The following IGF2BP3 variants were observed in gnomAD, a reference collection of about 807,000 sequenced individuals.
IGF2BP3 encodes insulin like growth factor 2 mRNA binding protein 3, also known as insulin-like growth factor 2 mRNA-binding protein 3.
Under a neutral mutation model 73.8 loss-of-function variants are expected in IGF2BP3, and 9 were observed. The ratio of observed to expected loss-of-function variants is 0.12; its 90% CI spans 0.07 to 0.21. IGF2BP3 has a LOEUF of 0.21. Ranked by LOEUF, IGF2BP3 falls within the 10% of genes least tolerant of loss-of-function variation. IGF2BP3 has a pLI of 1.00. For synonymous variants in IGF2BP3, 258 were observed against 256.7 expected (o/e 1.01, Z -0.05); for missense variants, 542 against 714.0 (o/e 0.76, Z 2.75).
chr7:23,398,826 T>C (rs1583991709), intron 3 of IGF2BP3, among the ~76,000 whole-genome samples: 1 of 152,148 alleles, frequency 6.6e-6, no homozygotes, highest in East Asian at 1.9e-4. Context: ...GTCAGATGAG[T>C]AGGTTGCAAA....
intron 13 of IGF2BP3, 87 bp from the exon 14 acceptor site, chr7:23,312,935 T>A: frequency 1.4e-6 from 1 of 727,238 alleles, no homozygotes; most frequent in Non-Finnish European, 2.3e-6. Context: ...CAGTGAGCTA[T>A]GTATGGCTTT....
chr7:23,360,338 T>C (rs1275617958), intron 5 of IGF2BP3, among the ~76,000 whole-genome samples: 2 of 152,348 alleles, frequency 1.3e-5, no homozygotes, highest in South Asian at 2.1e-4. Context: ...GCCATATCTG[T>C]ACAATCAAAT....
chr7:23,455,300 T>C (rs1788290522), intron 2 of IGF2BP3, among the ~76,000 whole-genome samples: 1 of 152,144 alleles, frequency 6.6e-6, no homozygotes, highest in Admixed American at 6.6e-5. Flanking sequence ...CTCTTTAATC[T>C]CAAACAGCTT....
chr7:23,457,765 G>C (rs1458140059), intron 2 of IGF2BP3, among the ~76,000 whole-genome samples: 1 of 152,150 alleles, frequency 6.6e-6, no homozygotes, highest in East Asian at 1.9e-4. Context: ...AGCAAGCCCT[G>C]GGAACTACTA....
chr7:23,468,440 G>C, intron 2 of IGF2BP3, 42 bp downstream of exon 2: 1 of 1,603,318 alleles, frequency 6.2e-7, no homozygotes, highest in Non-Finnish European at 8.5e-7. Flanking sequence ...ACCCAATAAC[G>C]GAGTGAGAAC....
rs533687503 is a variant in IGF2BP3 at position 23,361,544 on chromosome 7, G to C, written c.391C>G (p.Gln131Glu). 2.2e-5 allele frequency: 35 copies of C among 1,611,284 alleles called. No homozygotes were observed. In the South Asian group the frequency reaches 3.5e-4, roughly 16 times the overall value. Residue 131 changes from glutamine (Q) to glutamate (E), a missense_variant, in exon 5 of 15, where the codon CAA becomes GAA. Transcript: ENST00000258729. ...VVNVTYSSKDQARQALDKLNG... is the reference protein window; with the variant it reads ...VVNVTYSSKDEARQALDKLNG... Reference sequence around the variant, plus strand: ...CTTCAAGCTGCTTACTGTCTAGCTTGGTCCTTACTGGAATAGGTTACATTT... The same window carrying C: ...CTTCAAGCTGCTTACTGTCTAGCTTCGTCCTTACTGGAATAGGTTACATTT...
At chr7:23,439,554 CAAAA>C (rs11332929) in intron 2 of IGF2BP3, among the ~76,000 whole-genome samples, 93 of 56,716 alleles carry the variant, frequency 1.6e-3, no homozygotes, top group African/African-American at 5.9e-3. Flanking sequence ...GACTCCGTCT[CAAAA>C]AAAAAAAAAA....
chr7:23,316,540 C>T lies in IGF2BP3; in HGVS notation c.1395+1099G>A, dbSNP rs193248053. Among the ~76,000 whole-genome samples, 432 of 151,788 alleles carry T rather than the reference C, an allele frequency of 2.8e-3. 2 individuals carry two copies. Among genetic ancestry groups the T allele is most frequent in the African/African-American group, 9.9e-3 (411 of 41,404 alleles). ...CTAAAAATAAATTGGCTGGGCGTGG[C>T]GGCACATGCCTGTAATCCCAGCTAC... On this transcript the variant is annotated intron_variant, in intron 12 of 14. Coordinates refer to ENST00000258729, the MANE Select transcript of IGF2BP3 (RefSeq NM_006547.3).
intron 3 of IGF2BP3, among the ~76,000 whole-genome samples, chr7:23,384,394 GAATA>G (rs1786016363): frequency 1.3e-5 from 2 of 152,196 alleles, no homozygotes; most frequent in South Asian, 4.1e-4. Context: ...ATGTATTTGT[GAATA>G]CACTAAAAAC....
At chr7:23,340,796 G>C (rs548226916) in intron 10 of IGF2BP3, among the ~76,000 whole-genome samples, 32 of 151,824 alleles carry the variant, frequency 2.1e-4, no homozygotes, top group African/African-American at 7.7e-4. Context: ...TGACCTCAAG[G>C]AAACTGCTAT....
At chr7:23,428,575 T>C (rs1787585087) in intron 2 of IGF2BP3, among the ~76,000 whole-genome samples, 1 of 150,408 alleles carries the variant, frequency 6.6e-6, no homozygotes, top group African/African-American at 2.4e-5. Flanking sequence ...GGTATGGTGG[T>C]ACATACTTGT....
At chr7:23,409,529 T>C (rs181093392) in intron 3 of IGF2BP3, among the ~76,000 whole-genome samples, 24 of 152,262 alleles carry the variant, frequency 1.6e-4, no homozygotes, top group Non-Finnish European at 2.6e-4. Context: ...GAAAGTGTAG[T>C]AGCAAAGGGA....
chr7:23,314,753 G>A (rs1209015017), intron 12 of IGF2BP3, among the ~76,000 whole-genome samples: 1 of 152,148 alleles, frequency 6.6e-6, no homozygotes, highest in Non-Finnish European at 1.5e-5. Flanking sequence ...TTAGAAAGGT[G>A]GTTTTTCCTT....
intron 3 of IGF2BP3, among the ~76,000 whole-genome samples, chr7:23,407,358 C>T (rs1786867643): frequency 6.6e-6 from 1 of 151,394 alleles, no homozygotes; most frequent in Non-Finnish European, 1.5e-5. Context: ...CCTGTAATCC[C>T]AGCACTTTGG....
At chr7:23,338,206 T>C (rs1320632786) in intron 10 of IGF2BP3, among the ~76,000 whole-genome samples, 1 of 152,146 alleles carries the variant, frequency 6.6e-6, no homozygotes. Context: ...TTTTTCACTC[T>C]TCAAAGCATA....
chr7:23,312,875 T>G, intron 13 of IGF2BP3, 27 bp from the exon 14 acceptor site: 1 of 1,484,690 alleles, frequency 6.7e-7, no homozygotes. Flanking sequence ...TAAATCACAT[T>G]AAGTGGCAGT....
rs1562685938 is a variant in IGF2BP3, at chr7:23,342,080, G to T, written c.1187C>A (p.Pro396His). Reference protein sequence around the residue: ...TSGPPSAMTPPYPQFEQSETE... With the variant: ...TSGPPSAMTPHYPQFEQSETE... ...TTATCTTACCTCAAACTGCGGGTAGGGAGGAGTCATGGCTGAAGGGGGCCC... is the reference window on the plus strand; with the variant it reads ...TTATCTTACCTCAAACTGCGGGTAGTGAGGAGTCATGGCTGAAGGGGGCCC... Residue 396 changes from proline to histidine, a missense_variant, in exon 10 of 15, where the codon CCC becomes CAC. Pro to His is a moderately conservative substitution (Grantham distance 77). Coordinates refer to ENST00000258729, the MANE Select transcript of IGF2BP3 (RefSeq NM_006547.3). 1 of 1,587,296 alleles carries T rather than the reference G, an allele frequency of 6.3e-7. No individual in the cohort carries two copies.
intron 3 of IGF2BP3, among the ~76,000 whole-genome samples, chr7:23,382,572 A>G (rs1785945251): frequency 6.6e-6 from 1 of 152,184 alleles, no homozygotes; most frequent in African/African-American, 2.4e-5. Context: ...AAATTCACTT[A>G]TATCACAATC....
At chr7:23,392,472 GTATA>G (rs746204752) in intron 3 of IGF2BP3, among the ~76,000 whole-genome samples, 7 of 140,670 alleles carry the variant, frequency 5.0e-5, no homozygotes, top group Admixed American at 1.4e-4. Context: ...ACATATATAT[GTATA>G]TATATATATA....
Sources: gnomAD v4.1 joint callset for allele counts (sites outside exome capture counted in the v4.1 genomes callset) on GRCh38, gnomAD v4.1.1 for gene constraint, MANE v1.5 for transcripts, NCBI Gene and HGNC (gene_info 2026-07-23, HGNC 2026-07-21) for gene names.